The following KALRN variants were observed in gnomAD, a reference collection of about 807,000 sequenced individuals.
The protein encoded by KALRN is kalirin.
Under a neutral mutation model 353.7 loss-of-function variants are expected in KALRN, and 70 were observed. The observed-to-expected ratio is 0.20, with a 90% CI of 0.16 to 0.24. The LOEUF (loss-of-function observed/expected upper bound fraction) is 0.24, where lower values mean the gene tolerates loss of function less well. KALRN is among the 10% of genes least tolerant of loss of function. The pLI is 1.00. For missense variants in KALRN, 2,791 were observed against 3,756.7 expected (o/e 0.74, Z 6.72); for synonymous variants, 1,391 against 1,434.8 (o/e 0.97, Z 0.69).
intron 3 of KALRN, among the ~76,000 whole-genome samples, chr3:124,255,573 G>A (rs1355737097): frequency 6.6e-6 from 1 of 152,192 alleles, no homozygotes; most frequent in Non-Finnish European, 1.5e-5. Context: ...CCTTCATAAT[G>A]AGGTTCTCCT....
At position 124,415,148 on chromosome 3, in the gene KALRN, C is replaced by T. The variant is rs143830461; in HGVS notation, c.2542+1483C>T. On this transcript the variant is annotated intron_variant, in intron 14 of 59. Transcript: ENST00000682506. ...AAACCCAGGCCTATTCACAGGTATG[C>T]AGCTAGTGCTCTGTGTAGTCCCAGG... Among the ~76,000 whole-genome samples the T allele has an allele frequency of 8.0e-3, 1,216 of 152,352 alleles. 8 individuals are homozygous for T. Among genetic ancestry groups the T allele is most frequent in the Non-Finnish European group, 0.012 (838 of 68,036 alleles).
chr3:124,659,541 G>T, intron 43 of KALRN, 84 bp downstream of exon 43: 1 of 887,488 alleles, frequency 1.1e-6, no homozygotes, highest in South Asian at 1.3e-5. Context: ...AGAGCTAGCG[G>T]TTCTGTCTCC....
intron 10 of KALRN, among the ~76,000 whole-genome samples, chr3:124,351,027 A>G (rs1196465141): frequency 6.6e-6 from 1 of 152,182 alleles, no homozygotes. Flanking sequence ...TGCTGACCAC[A>G]GTGAAGGCAG....
chr3:124,627,246 A>G (rs899239207), intron 34 of KALRN, among the ~76,000 whole-genome samples: 4 of 152,198 alleles, frequency 2.6e-5, no homozygotes, highest in Non-Finnish European at 5.9e-5. Context: ...CCACTAGGTG[A>G]TGAATTACAT....
chr3:124,491,476 G>C (rs1311228224), intron 31 of KALRN, 52 bp downstream of exon 31: 1 of 1,354,222 alleles, frequency 7.4e-7, no homozygotes, highest in Non-Finnish European at 1.0e-6. Flanking sequence ...TAATAGAAGT[G>C]GGGGTGGGCA....
chr3:124,118,879 T>A (rs72972613), intron 1 of KALRN, among the ~76,000 whole-genome samples: 11,031 of 152,234 alleles, frequency 0.072, 1,311 homozygotes, highest in African/African-American at 0.25. Flanking sequence ...CAGCAGTATA[T>A]GTATCCCCAT....
At position 124,719,343 on chromosome 3, in the gene KALRN, A is replaced by T; in HGVS notation, c.8834A>T (p.Tyr2945Phe). The change falls in exon 60 of 60, where the codon TAC becomes TTC. Residue 2945 changes from tyrosine (Y) to phenylalanine (F), a missense_variant. This residue lies in a region of KALRN where 188 missense variants were observed against 402.9 expected (regional missense o/e 0.47). Transcript: ENST00000682506. The surrounding 1 kb of genome is among the most constrained non-coding windows in gnomAD (Gnocchi z 5.3). ...HPWLQPHNGS[Y>F]SKIPLDTSRL... ...TGGCTGCAGCCCCATAATGGCAGCTACTCTAAGATCCCCCTGGACACCTCC... is the reference window on the plus strand; with the variant it reads ...TGGCTGCAGCCCCATAATGGCAGCTTCTCTAAGATCCCCCTGGACACCTCC... The T allele has an allele frequency of 1.9e-6, 3 of 1,614,084 alleles. No individual in the cohort carries two copies. Among genetic ancestry groups the T allele is most frequent in the African/African-American group, 1.3e-5 (1 of 75,016 alleles).
chr3:124,115,501 C>G (rs527904741), intron 1 of KALRN, among the ~76,000 whole-genome samples: 1 of 152,178 alleles, frequency 6.6e-6, no homozygotes, highest in Non-Finnish European at 1.5e-5. Flanking sequence ...AGATTAGCAG[C>G]TAGCTCTATG....
chr3:124,097,196 A>G (rs890729678), intron 1 of KALRN, among the ~76,000 whole-genome samples: 1 of 152,268 alleles, frequency 6.6e-6, no homozygotes, highest in Non-Finnish European at 1.5e-5. Context: ...GTTACCTAAC[A>G]TTGCATAGAA....
chr3:124,310,455 CA>C (rs1303279411), intron 6 of KALRN, among the ~76,000 whole-genome samples: 1 of 151,974 alleles, frequency 6.6e-6, no homozygotes, highest in Non-Finnish European at 1.5e-5. Flanking sequence ...GCAGAATAGC[CA>C]AAATAATGTT....
At chr3:124,049,269 A>G (rs2040813570) in intron 1 of KALRN, among the ~76,000 whole-genome samples, 1 of 152,192 alleles carries the variant, frequency 6.6e-6, no homozygotes, top group Non-Finnish European at 1.5e-5. Context: ...TGCAAAAGCC[A>G]TAGCCTGCTG....
chr3:124,396,677 G>A (rs887410145), intron 12 of KALRN, among the ~76,000 whole-genome samples: 1 of 152,220 alleles, frequency 6.6e-6, no homozygotes, highest in Non-Finnish European at 1.5e-5. Flanking sequence ...ACTTTCTGTG[G>A]GGCTAGGCCT....
At chr3:124,678,568 C>T (rs988898268) in intron 50 of KALRN, 34 of 254,366 alleles carry the variant, frequency 1.3e-4, no homozygotes, top group East Asian at 8.0e-5. Context: ...AGATGTTTTA[C>T]AGCAAAATTA....
intron 1 of KALRN, among the ~76,000 whole-genome samples, chr3:124,180,030 A>C (rs9856289): frequency 0.32 from 49,091 of 152,098 alleles, 8,013 homozygotes; most frequent in East Asian, 0.53. Flanking sequence ...TCAGTTGTCC[A>C]CTAACCATAA....
At chr3:124,118,512 G>A (rs1051818131) in intron 1 of KALRN, among the ~76,000 whole-genome samples, 6 of 152,250 alleles carry the variant, frequency 3.9e-5, no homozygotes, top group South Asian at 2.1e-4. Context: ...GAAGCATTCC[G>A]TGGAGTTGCA....
chr3:124,460,744 A>T (rs1234496596), intron 23 of KALRN, among the ~76,000 whole-genome samples: 1 of 152,218 alleles, frequency 6.6e-6, no homozygotes, highest in East Asian at 1.9e-4. Context: ...TCCAAAGCTT[A>T]TGCACTTTTT....
intron 33 of KALRN, among the ~76,000 whole-genome samples, chr3:124,544,770 G>A (rs370084440): frequency 6.6e-5 from 10 of 152,216 alleles, no homozygotes; most frequent in Admixed American, 3.3e-4. Flanking sequence ...AGGGCCTAAA[G>A]GAGTGCCTGG....
At chr3:124,120,671 T>G (rs562700451) in intron 1 of KALRN, among the ~76,000 whole-genome samples, 11 of 148,400 alleles carry the variant, frequency 7.4e-5, no homozygotes, top group African/African-American at 2.3e-4. Context: ...GAAGAATCCC[T>G]ACTTTTCAAG....
At chr3:124,503,651 C>T (rs943788794) in intron 33 of KALRN, among the ~76,000 whole-genome samples, 3 of 152,160 alleles carry the variant, frequency 2.0e-5, no homozygotes, top group Non-Finnish European at 4.4e-5. Flanking sequence ...TGGCTGCCCT[C>T]TCACCTCCCA....
Sources: gnomAD v4.1 joint callset for allele counts (sites outside exome capture counted in the v4.1 genomes callset) on GRCh38, gnomAD v4.1.1 for gene constraint, gnomAD v4.1.1 regional missense constraint, Gnocchi (gnomAD v3.1) non-coding constraint, MANE v1.5 for transcripts, NCBI Gene and HGNC (gene_info 2026-07-23, HGNC 2026-07-21) for gene names.